The following SVEP1 variants were observed in gnomAD, a reference collection of about 807,000 sequenced individuals.
The protein encoded by SVEP1 is sushi, von Willebrand factor type A, EGF and pentraxin domain containing 1, also known as sushi, von Willebrand factor type A, EGF and pentraxin domain-containing protein 1.
SVEP1 carries 164 observed loss-of-function variants against 367.3 expected under a neutral mutation model. That is an observed-to-expected ratio of 0.45 (90% CI 0.39 to 0.51). The LOEUF is 0.51. Among genes scored for constraint, SVEP1 ranks in the 20% least tolerant of loss-of-function variants. The pLI is 0.00. For missense variants in SVEP1, 4,117 were observed against 4,425.3 expected, an observed-to-expected ratio of 0.93 and a Z score of 1.98; for synonymous variants, 1,666 against 1,611.6, an observed-to-expected ratio of 1.03 and a Z score of -0.81.
chr9:110,387,954 C>CTGAAATTTAAA lies in SVEP1; in HGVS notation c.9887-507_9887-497dup, dbSNP rs1417597921. On this transcript the variant is annotated intron_variant, in intron 41 of 47. Transcript: ENST00000374469. Reference sequence around the variant, plus strand: ...AGTTTACATTTAAATTATTTTTCATCTGAAATTTAAATATAACTGCATGTC... The same window carrying CTGAAATTTAAA: ...AGTTTACATTTAAATTATTTTTCATCTGAAATTTAAATGAAATTTAAATATAACTGCATGTC... 1.5e-4 allele frequency among the ~76,000 whole-genome samples: 21 copies of CTGAAATTTAAA among 144,446 alleles called. No individual in the cohort carries two copies. The East Asian group carries it at 1.5e-3, about 11-fold the overall frequency. 94.8% of individuals were successfully genotyped at this position (144,446 alleles called of 152,430 possible). A position where few individuals can be genotyped will look rare whatever the true frequency, so the allele number is the denominator to read the frequency against.
rs934448277 is a variant in SVEP1 at position 110,382,422 on chromosome 9, G to C, written c.10238-2905C>G. Among the ~76,000 whole-genome samples, 9 of 152,284 alleles carry C rather than the reference G, an allele frequency of 5.9e-5. No homozygotes were observed. In the East Asian group the frequency reaches 1.7e-3, roughly 29 times the overall value. Reference sequence around the variant, plus strand: ...ATGTCTTCTGGCTTTTAGGGCTTCTGCAGAGAAGTTTGCTGTTAGTCTGAT... The same window carrying C: ...ATGTCTTCTGGCTTTTAGGGCTTCTCCAGAGAAGTTTGCTGTTAGTCTGAT... On this transcript the variant is annotated intron_variant, in intron 43 of 47. Coordinates refer to ENST00000374469, the MANE Select transcript of SVEP1 (RefSeq NM_153366.4).
chr9:110,466,834 C>A (rs1478835818), intron 17 of SVEP1, among the ~76,000 whole-genome samples: 3 of 151,578 alleles, frequency 2.0e-5, no homozygotes, highest in Non-Finnish European at 4.4e-5. Flanking sequence ...CCTAGACACG[C>A]CATTTCATCC....
chr9:110,502,706 T>C (rs749041080), intron 6 of SVEP1, among the ~76,000 whole-genome samples: 2 of 152,172 alleles, frequency 1.3e-5, no homozygotes, highest in African/African-American at 2.4e-5. Flanking sequence ...AAAACATGTT[T>C]AACAAAGCAA....
chr9:110,412,908 T>C (rs1298236894), intron 36 of SVEP1, among the ~76,000 whole-genome samples: 3 of 151,594 alleles, frequency 2.0e-5, no homozygotes, highest in African/African-American at 7.2e-5. Flanking sequence ...CTGGAGAGGA[T>C]GTGGAGAAAT....
chr9:110,404,647 G>T, intron 38 of SVEP1, 95 bp from the exon 39 acceptor site: 1 of 1,137,722 alleles, frequency 8.8e-7, no homozygotes, highest in Non-Finnish European at 1.3e-6. Flanking sequence ...AGGCTCAGTA[G>T]ATATTTTGTG....
At chr9:110,453,887 A>T (rs1828737516) in intron 22 of SVEP1, among the ~76,000 whole-genome samples, 2 of 100,972 alleles carry the variant, frequency 2.0e-5, no homozygotes, top group Admixed American at 1.1e-4. Flanking sequence ...CAAAAATTAA[A>T]AAAAAAAAAA....
intron 1 of SVEP1, among the ~76,000 whole-genome samples, chr9:110,559,885 A>C (rs942662904): frequency 4.6e-5 from 7 of 152,144 alleles, no homozygotes; most frequent in African/African-American, 1.7e-4. Context: ...GATATTATTG[A>C]ACACTATTAA....
At position 110,431,967 on chromosome 9, in the gene SVEP1, G is replaced by T; in HGVS notation, c.5301C>A (p.Ser1767=). ...ACGGTGGGACACATGAACATATGTA[G>T]GATCCATCTACGTTCAGGCAAGAAG... The part of the protein sequence containing the change: ...EHASCLNVDG[S]YICSCVPPYT... Residue 1767 remains serine, a synonymous_variant, in exon 32 of 48, where the codon TCC becomes TCA. Coordinates refer to ENST00000374469, the MANE Select transcript of SVEP1 (RefSeq NM_153366.4). 1 of 1,613,588 alleles carries T rather than the reference G, an allele frequency of 6.2e-7. No homozygotes were observed. Among genetic ancestry groups the T allele is most frequent in the Non-Finnish European group, 8.5e-7 (1 of 1,179,694 alleles).
At chr9:110,387,935 CATTTAAATTATTTTTCATCTGAA>C (rs144329884) in intron 41 of SVEP1, among the ~76,000 whole-genome samples, 4,064 of 152,168 alleles carry the variant, frequency 0.027, 175 homozygotes, top group African/African-American at 0.093. Context: ...TATAAGTTTA[CATTTAAATTATTTTTCATCTGAA>C]ATTTAAATAT....
At chr9:110,435,020 C>T (rs1407322040) in intron 29 of SVEP1, among the ~76,000 whole-genome samples, 2 of 151,832 alleles carry the variant, frequency 1.3e-5, no homozygotes, top group African/African-American at 2.4e-5. Context: ...TTACTTTCAT[C>T]CAAATTTCCT....
Position 110,459,669 on chromosome 9 carries a change from C to G in SVEP1, c.3323-556G>C, listed in dbSNP as rs567502638. Among the ~76,000 whole-genome samples, 3 of 152,002 alleles carry G rather than the reference C, an allele frequency of 2.0e-5. No homozygotes were observed. The South Asian group carries it at 6.2e-4, about 32-fold the overall frequency. ...GTCTAAAGATTTGAAAAGATTAAAG[C>G]CATTGATATATAGTGCCAAATCATT... On this transcript the variant is annotated intron_variant, in intron 18 of 47. Coordinates refer to ENST00000374469, the MANE Select transcript of SVEP1 (RefSeq NM_153366.4).
chr9:110,399,057 G>A (rs1827815413), intron 40 of SVEP1, among the ~76,000 whole-genome samples: 1 of 152,124 alleles, frequency 6.6e-6, no homozygotes, highest in South Asian at 2.1e-4. Flanking sequence ...TATGTTTATT[G>A]CGGCACTATT....
At chr9:110,378,481 G>T (rs1827385630) in intron 44 of SVEP1, among the ~76,000 whole-genome samples, 1 of 152,064 alleles carries the variant, frequency 6.6e-6, no homozygotes, top group Admixed American at 6.5e-5. Flanking sequence ...TGAGTTCATT[G>T]TAGATTCTGG....
chr9:110,560,870 G>A (rs1196020045), intron 1 of SVEP1, among the ~76,000 whole-genome samples: 1 of 152,108 alleles, frequency 6.6e-6, no homozygotes, highest in African/African-American at 2.4e-5. Context: ...AAAATCAAGA[G>A]TTGTTTTAAA....
intron 40 of SVEP1, among the ~76,000 whole-genome samples, chr9:110,393,087 AACATAT>A (rs1332632607): frequency 6.6e-6 from 1 of 152,216 alleles, no homozygotes; most frequent in Non-Finnish European, 1.5e-5. Flanking sequence ...TTTTTCAGTT[AACATAT>A]ATTTCCACAA....
chr9:110,390,370 T>TAAGTATGTGTATATATA (rs1406748869), intron 40 of SVEP1, among the ~76,000 whole-genome samples: 4 of 86,420 alleles, frequency 4.6e-5, no homozygotes, highest in Admixed American at 1.4e-4. Context: ...TATACTTATA[T>TAAGTATGTGTATATATA]CTACTTATAT....
In SVEP1 at chr9:110,457,346, G is replaced by A; in HGVS notation, c.3583C>T (p.His1195Tyr). ...KRHEISSQVF[H>Y]ECFFNPCHNS... ...TGGCAAGGGTTAAAGAAGCATTCAT[G>A]GAAAACCTACCAGTAGCATAAAAAA... Residue 1195 changes from histidine (H) to tyrosine (Y), a missense_variant, in exon 21 of 48, where the codon CAT (histidine) becomes TAT (tyrosine). Physicochemically the swap from His to Tyr is moderately conservative, Grantham distance 83. Transcript: ENST00000374469. The A allele has an allele frequency of 6.2e-7, 1 of 1,608,926 alleles. No individual in the cohort carries two copies. The highest frequency in any genetic ancestry group is 8.5e-7 in the Non-Finnish European group (1 of 1,178,500).
At chr9:110,454,705 G>A (rs548017025) in intron 22 of SVEP1, among the ~76,000 whole-genome samples, 1 of 152,252 alleles carries the variant, frequency 6.6e-6, no homozygotes, top group Admixed American at 6.5e-5. Flanking sequence ...AATTAAAGCA[G>A]GAACAGAAAG....
chr9:110,546,896 A>G (rs1333083748), intron 2 of SVEP1, among the ~76,000 whole-genome samples: 1 of 152,222 alleles, frequency 6.6e-6, no homozygotes, highest in Non-Finnish European at 1.5e-5. Context: ...GTGACTTGAC[A>G]GGGTGGGTAA....
Sources: gnomAD v4.1 joint callset for allele counts (sites outside exome capture counted in the v4.1 genomes callset) on GRCh38, gnomAD v4.1.1 for gene constraint, MANE v1.5 for transcripts, NCBI Gene and HGNC (gene_info 2026-07-23, HGNC 2026-07-21) for gene names.